The following TNR variants were observed in gnomAD, a reference collection of about 807,000 sequenced individuals.
TNR encodes the protein tenascin-R.
Under a neutral mutation model 150.4 loss-of-function variants are expected in TNR, and 45 were observed. The ratio of observed to expected loss-of-function variants is 0.30; its 90% confidence interval spans 0.24 to 0.38. The LOEUF is 0.38. TNR is among the 10% of genes least tolerant of loss of function. TNR has a pLI of 1.00. For synonymous variants in TNR, 687 were observed against 678.4 expected, an observed-to-expected ratio of 1.01 and a Z score of -0.20; for missense variants, 1,544 against 1,759.1, an observed-to-expected ratio of 0.88 and a Z score of 2.19.
chr1:175,413,823 T>A (rs569833523), intron 2 of TNR, among the ~76,000 whole-genome samples: 2 of 152,254 alleles, frequency 1.3e-5, no homozygotes, highest in East Asian at 3.9e-4. Flanking sequence ...ATGAATGGGA[T>A]TAGTGCCCTT....
chr1:175,361,358 G>T (rs1651578257), intron 14 of TNR, among the ~76,000 whole-genome samples: 1 of 152,188 alleles, frequency 6.6e-6, no homozygotes. Flanking sequence ...GTTCAAGAAG[G>T]TGGGATAGAG....
intron 19 of TNR, 50 bp downstream of exon 19, chr1:175,337,478 C>T: frequency 1.2e-6 from 2 of 1,609,400 alleles, no homozygotes; most frequent in Non-Finnish European, 1.7e-6. Flanking sequence ...GCTAGGTAGA[C>T]TAGAACACTG....
intron 1 of TNR, among the ~76,000 whole-genome samples, chr1:175,736,118 T>C (rs963190350): frequency 6.6e-6 from 1 of 152,232 alleles, no homozygotes; most frequent in Non-Finnish European, 1.5e-5. Context: ...CCCCAGGCCA[T>C]ATTAAATAGC....
rs115313118 is a variant in TNR at position 175,332,487 on chromosome 1, A to G, written c.3632-2252T>C. On this transcript the variant is annotated intron_variant, in intron 20 of 22. Transcript: ENST00000367674. ...ATATAGTACATAAACTATGGGTCAC[A>G]GTGTTATCCCCAACTTGAGTATTGC... Among the ~76,000 whole-genome samples, 1,070 of 152,366 alleles carry G rather than the reference A, an allele frequency of 7.0e-3. 17 individuals carry two copies. The highest frequency in any genetic ancestry group is 0.025 in the African/African-American group (1,029 of 41,580).
chr1:175,444,951 G>T (rs1257881544), intron 2 of TNR, among the ~76,000 whole-genome samples: 2 of 152,200 alleles, frequency 1.3e-5, no homozygotes, highest in Non-Finnish European at 2.9e-5. Flanking sequence ...TTGAAGATTA[G>T]CATGGCAGAG....
At chr1:175,492,712 G>T (rs1658312488) in intron 2 of TNR, among the ~76,000 whole-genome samples, 1 of 152,096 alleles carries the variant, frequency 6.6e-6, no homozygotes, top group African/African-American at 2.4e-5. Context: ...ATCCTACGTG[G>T]GTGTGTGTGG....
At chr1:175,633,908 T>G (rs912838694) in intron 1 of TNR, among the ~76,000 whole-genome samples, 4 of 151,646 alleles carry the variant, frequency 2.6e-5, no homozygotes, top group Non-Finnish European at 5.9e-5. Flanking sequence ...GGCTCAAGAG[T>G]CAGACAAACC....
chr1:175,413,201 T>G (rs1026950349), intron 2 of TNR, among the ~76,000 whole-genome samples: 1 of 152,210 alleles, frequency 6.6e-6, no homozygotes, highest in Non-Finnish European at 1.5e-5. Context: ...AATTTTTGTA[T>G]TTTTAGTAGA....
chr1:175,620,833 T>C (rs1193617633), intron 1 of TNR, among the ~76,000 whole-genome samples: 1 of 150,288 alleles, frequency 6.7e-6, no homozygotes, highest in African/African-American at 2.4e-5. Context: ...TTTGTGTGAG[T>C]AGAAAAAAAA....
chr1:175,498,122 C>A (rs574208066), intron 2 of TNR, among the ~76,000 whole-genome samples: 1 of 152,204 alleles, frequency 6.6e-6, no homozygotes, highest in African/African-American at 2.4e-5. Flanking sequence ...ACAAAGAAAA[C>A]AAACAAACAA....
intron 2 of TNR, among the ~76,000 whole-genome samples, chr1:175,466,548 A>G (rs897946201): frequency 2.0e-5 from 3 of 152,150 alleles, no homozygotes; most frequent in Non-Finnish European, 2.9e-5. Flanking sequence ...ATCTCTGTTC[A>G]GTTACTGGGC....
chr1:175,468,101 G>C (rs1477544466), intron 2 of TNR, among the ~76,000 whole-genome samples: 2 of 152,200 alleles, frequency 1.3e-5, no homozygotes. Context: ...CAACTGGAGT[G>C]GGACAGGGTG....
At chr1:175,543,212 A>C (rs1460417834) in intron 1 of TNR, among the ~76,000 whole-genome samples, 1 of 151,948 alleles carries the variant, frequency 6.6e-6, no homozygotes, top group Non-Finnish European at 1.5e-5. Flanking sequence ...AGTTTAGAGA[A>C]CTCCCAGGGG....
At chr1:175,401,540 A>C (rs1340965826) in intron 4 of TNR, among the ~76,000 whole-genome samples, 1 of 152,198 alleles carries the variant, frequency 6.6e-6, no homozygotes, top group East Asian at 1.9e-4. Context: ...TCAGTAAACA[A>C]AATTGGGAGG....
intron 1 of TNR, among the ~76,000 whole-genome samples, chr1:175,629,888 T>A (rs1157471112): frequency 6.6e-6 from 1 of 152,192 alleles, no homozygotes; most frequent in East Asian, 1.9e-4. Flanking sequence ...ACATAATACC[T>A]ATAGAAAATA....
At chr1:175,385,087 A>C (rs1652858511) in intron 8 of TNR, among the ~76,000 whole-genome samples, 1 of 152,168 alleles carries the variant, frequency 6.6e-6, no homozygotes. Context: ...AGATGTTATC[A>C]GTTTTCATTG....
intron 1 of TNR, among the ~76,000 whole-genome samples, chr1:175,563,176 T>G (rs1661499501): frequency 1.3e-5 from 2 of 152,320 alleles, no homozygotes; most frequent in Non-Finnish European, 1.5e-5. Flanking sequence ...TAAAGTATGT[T>G]TTCATACAAT....
chr1:175,477,077 G>A (rs1186322472), intron 2 of TNR, among the ~76,000 whole-genome samples: 1 of 152,146 alleles, frequency 6.6e-6, no homozygotes, highest in East Asian at 1.9e-4. Flanking sequence ...CAAAATATAA[G>A]GGAAAATACC....
intron 1 of TNR, among the ~76,000 whole-genome samples, chr1:175,733,325 G>A (rs1319922346): frequency 6.6e-6 from 1 of 152,168 alleles, no homozygotes; most frequent in East Asian, 1.9e-4. Flanking sequence ...CGAAAGCAGT[G>A]GAACAGGGTG....
Sources: allele counts gnomAD v4.1 joint callset (sites outside exome capture counted in the v4.1 genomes callset), GRCh38; gene constraint gnomAD v4.1.1; transcripts MANE v1.5; gene names NCBI Gene and HGNC (gene_info 2026-07-23, HGNC 2026-07-21).